Variants in TIAM2 observed in about 807,000 individuals in gnomAD.
The protein encoded by TIAM2 is TIAM Rac1 associated GEF 2.
A neutral mutation model predicts 152.9 loss-of-function variants in TIAM2; 80 were observed. That is an observed-to-expected ratio of 0.52 (90% CI 0.44 to 0.63). The LOEUF (loss-of-function observed/expected upper bound fraction) is 0.63. Among genes scored for constraint, TIAM2 ranks in the 30% least tolerant of loss-of-function variants. The pLI, the probability that TIAM2 is intolerant of heterozygous loss-of-function variation, is 0.00. For synonymous variants in TIAM2, 804 were observed against 838.0 expected, an observed-to-expected ratio of 0.96 and a Z score of 0.70; for missense variants, 1,965 against 2,120.1, an observed-to-expected ratio of 0.93 and a Z score of 1.44.
At chr6:155,200,882 A>G (rs1253286058) in intron 14 of TIAM2, among the ~76,000 whole-genome samples, 1 of 152,182 alleles carries the variant, frequency 6.6e-6, no homozygotes, top group East Asian at 1.9e-4. Flanking sequence ...CAGCCTGGTG[A>G]CAGAGCGAGA....
chr6:155,145,355 G>A (rs1583213297), intron 6 of TIAM2, among the ~76,000 whole-genome samples: 1 of 152,138 alleles, frequency 6.6e-6, no homozygotes, highest in Non-Finnish European at 1.5e-5. Context: ...CGGTATTGGG[G>A]TCGGGCTTAG....
intron 1 of TIAM2, among the ~76,000 whole-genome samples, chr6:155,081,309 C>T (rs1041013817): frequency 6.6e-5 from 10 of 151,904 alleles, no homozygotes; most frequent in Non-Finnish European, 1.2e-4. Flanking sequence ...TCATTCCCCC[C>T]GCCCATGTAC....
intron 14 of TIAM2, among the ~76,000 whole-genome samples, chr6:155,204,005 T>C (rs1353630206): frequency 3.3e-5 from 5 of 152,162 alleles, no homozygotes; most frequent in African/African-American, 1.2e-4. Flanking sequence ...GTTTCTGTTT[T>C]TGGTCATCAT....
At chr6:155,151,551 T>C (rs964492482) in intron 7 of TIAM2, among the ~76,000 whole-genome samples, 3 of 152,234 alleles carry the variant, frequency 2.0e-5, no homozygotes, top group Non-Finnish European at 4.4e-5. Context: ...AGTGGTCTTG[T>C]ATGCAAGGCT....
intron 1 of TIAM2, among the ~76,000 whole-genome samples, chr6:155,057,579 C>T (rs1364001776): frequency 7.4e-6 from 1 of 134,454 alleles, no homozygotes; most frequent in South Asian, 2.3e-4. Context: ...CAGAGGCTCG[C>T]GCTGTTGCCC....
chr6:155,130,710 AT>A (rs1321582449), intron 4 of TIAM2, among the ~76,000 whole-genome samples: 1 of 152,188 alleles, frequency 6.6e-6, no homozygotes, highest in East Asian at 1.9e-4. Flanking sequence ...TCTATTTCTC[AT>A]AATTCTGGAG....
rs151043865 is a variant in TIAM2 at position 155,129,765 on chromosome 6, G to T, written c.542G>T (p.Gly181Val). Residue 181 changes from glycine (G) to valine (V), a missense_variant, in exon 4 of 27, where the codon GGC becomes GTC. Transcript: ENST00000682666. The surrounding 1 kb of genome is among the most constrained non-coding windows in gnomAD (Gnocchi z 4.8). ...GCLRVEFHNG[G>V]NPSKVPAEDC... ...TTAAGGGTCGAGTTCCACAATGGTGGCAACCCCAGCAAAGTGCCTGCAGAG... is the reference window on the plus strand; with the variant it reads ...TTAAGGGTCGAGTTCCACAATGGTGTCAACCCCAGCAAAGTGCCTGCAGAG... The T allele has an allele frequency of 3.1e-6, 5 of 1,613,864 alleles. No individual in the cohort carries two copies. The African/African-American group carries it at 4.0e-5, about 13-fold the overall frequency.
At chr6:155,026,529 G>T (rs965580652) in intron 1 of TIAM2, among the ~76,000 whole-genome samples, 1 of 152,226 alleles carries the variant, frequency 6.6e-6, no homozygotes, top group Non-Finnish European at 1.5e-5. Context: ...CAGAACACTG[G>T]GGGAGGGCTG....
chr6:155,092,632 G>A (rs1412073644), intron 2 of TIAM2, among the ~76,000 whole-genome samples: 2 of 151,814 alleles, frequency 1.3e-5, no homozygotes, highest in African/African-American at 2.4e-5. Flanking sequence ...GAGGCAGGCG[G>A]ATCACCTGAG....
intron 1 of TIAM2, among the ~76,000 whole-genome samples, chr6:155,086,048 G>A (rs1177235163): frequency 6.6e-6 from 1 of 152,222 alleles, no homozygotes; most frequent in East Asian, 1.9e-4. Flanking sequence ...TTCCCTGGCA[G>A]CGAAGCCCAG....
At chr6:155,104,756 CA>C (rs55914919) in intron 2 of TIAM2, among the ~76,000 whole-genome samples, 86 of 134,146 alleles carry the variant, frequency 6.4e-4, no homozygotes, top group Admixed American at 7.5e-4. Flanking sequence ...GACTCTGTCT[CA>C]AAAAAAAAAA....
intron 2 of TIAM2, among the ~76,000 whole-genome samples, chr6:155,109,115 CTGGG>C (rs1778769890): frequency 6.6e-6 from 1 of 152,078 alleles, no homozygotes; most frequent in East Asian, 1.9e-4. Flanking sequence ...TCCCGAGTAG[CTGGG>C]ACTACAGGCG....
intron 1 of TIAM2, among the ~76,000 whole-genome samples, chr6:155,009,851 C>T (rs989816789): frequency 1.3e-5 from 2 of 149,522 alleles, no homozygotes; most frequent in African/African-American, 4.9e-5. Flanking sequence ...TCTGTATACT[C>T]TTTTTTTTTT....
intron 1 of TIAM2, among the ~76,000 whole-genome samples, chr6:154,996,982 G>A (rs985799899): frequency 4.7e-5 from 7 of 149,390 alleles, no homozygotes; most frequent in African/African-American, 1.7e-4. Flanking sequence ...CTCAGAATCA[G>A]CTTTCAACAC....
chr6:155,108,608 C>G (rs1485641881), intron 2 of TIAM2, among the ~76,000 whole-genome samples: 1 of 152,142 alleles, frequency 6.6e-6, no homozygotes, highest in Non-Finnish European at 1.5e-5. Context: ...GAGTGACTTT[C>G]CAAAGCCCTC....
In TIAM2 at chr6:155,244,008, C is replaced by T. The variant is rs1389957745; in HGVS notation, c.3349-3C>T. 1.2e-6 allele frequency: 2 copies of T among 1,613,926 alleles called. No homozygotes were observed. The highest frequency in any genetic ancestry group is 4.5e-5 in the East Asian group (2 of 44,872). On this transcript the variant is annotated splice_polypyrimidine_tract_variant and splice_region_variant and intron_variant, in intron 16 of 26. Coordinates refer to ENST00000682666, the MANE Select transcript of TIAM2 (RefSeq NM_012454.4). Reference sequence around the variant, plus strand: ...GAAGACACTTTCTTCTATTTTCTTTCAGGATTTGAGCTGCCTCTTTGAATT... The same window carrying T: ...GAAGACACTTTCTTCTATTTTCTTTTAGGATTTGAGCTGCCTCTTTGAATT...
intron 26 of TIAM2, chr6:155,255,342 T>C (rs1273095201): frequency 6.6e-6 from 1 of 152,158 alleles, no homozygotes; most frequent in East Asian, 1.9e-4. Context: ...AATCACGTTG[T>C]TCTTTCTGCT....
At position 155,056,974 on chromosome 6, in the gene TIAM2, A is replaced by C. The variant is rs981462064; in HGVS notation, c.-208-33315A>C. ...TTTGATGACTGTGACAGTTTTGAGGAGTATTAGATAGTTTGCTAGTAGAAT... is the reference window on the plus strand; with the variant it reads ...TTTGATGACTGTGACAGTTTTGAGGCGTATTAGATAGTTTGCTAGTAGAAT... On this transcript the variant is annotated intron_variant, in intron 1 of 26. Transcript: ENST00000682666. Among the ~76,000 whole-genome samples the C allele has an allele frequency of 3.0e-5, 4 of 131,738 alleles. No homozygotes were observed. The South Asian group carries it at 1.1e-3, about 35-fold the overall frequency. The allele number at this position is 131,738 out of a possible 152,430, so 86.4% of individuals were successfully genotyped here.
intron 9 of TIAM2, among the ~76,000 whole-genome samples, chr6:155,176,277 A>G (rs879647456): frequency 2.0e-5 from 3 of 152,180 alleles, no homozygotes; most frequent in Non-Finnish European, 4.4e-5. Flanking sequence ...TCTGTTGCCC[A>G]GGCTGGAGTG....
Sources: allele counts gnomAD v4.1 joint callset (sites outside exome capture counted in the v4.1 genomes callset), GRCh38; gene constraint gnomAD v4.1.1; non-coding constraint Gnocchi (gnomAD v3.1); transcripts MANE v1.5; gene names NCBI Gene and HGNC (gene_info 2026-07-23, HGNC 2026-07-21).